The following ARHGEF3 variants were observed in gnomAD, a reference collection of about 807,000 sequenced individuals.
ARHGEF3 encodes the protein 59.8 kDA protein.
A neutral mutation model predicts 63.2 loss-of-function variants in ARHGEF3; 28 were observed. The ratio of observed to expected loss-of-function variants is 0.44; its 90% CI spans 0.33 to 0.61. The LOEUF is 0.61. Ranked by LOEUF, ARHGEF3 falls within the 20% of genes least tolerant of loss-of-function variation. The pLI, the probability that ARHGEF3 is intolerant of heterozygous loss-of-function variation, is 0.03. For missense variants in ARHGEF3, 533 were observed against 659.3 expected, an observed-to-expected ratio of 0.81 and a Z score of 2.10; for synonymous variants, 266 against 254.2, an observed-to-expected ratio of 1.05 and a Z score of -0.44.
intron 3 of ARHGEF3, among the ~76,000 whole-genome samples, chr3:56,895,753 G>T (rs970545661): frequency 1.3e-5 from 2 of 152,032 alleles, no homozygotes; most frequent in African/African-American, 4.8e-5. Context: ...ATGAGCCACC[G>T]CACCCGGCCA....
At position 56,801,849 on chromosome 3, in the gene ARHGEF3, T is replaced by C. The variant is rs72882975; in HGVS notation, c.-51A>G. The stretch of plus-strand genomic sequence containing the variant: ...GATGTCACCGCTGACCCTAGGCGAC[T>C]ACAAAACTCCCAGGCAAAAGGGGGC... On this transcript the variant is annotated 5_prime_UTR_variant, in exon 1 of 10. Coordinates refer to ENST00000296315, the MANE Select transcript of ARHGEF3 (RefSeq NM_019555.3). 2.6e-6 allele frequency: 4 copies of C among 1,551,538 alleles called. No individual in the cohort carries two copies. The highest frequency in any genetic ancestry group is 1.4e-5 in the African/African-American group (1 of 73,168).
intron 8 of ARHGEF3, 112 bp from the exon 9 acceptor site, chr3:56,732,536 G>C: frequency 8.0e-7 from 1 of 1,242,610 alleles, no homozygotes; most frequent in Non-Finnish European, 1.1e-6. Flanking sequence ...ACTGGATTAT[G>C]AACTCCTAGG....
intron 1 of ARHGEF3, among the ~76,000 whole-genome samples, chr3:57,048,947 G>A (rs1704567803): frequency 6.6e-6 from 1 of 152,174 alleles, no homozygotes; most frequent in Admixed American, 6.5e-5. Flanking sequence ...AGGACACACA[G>A]CGTTAAGAGC....
chr3:56,853,613 G>A (rs887155320), intron 4 of ARHGEF3, among the ~76,000 whole-genome samples: 9 of 152,204 alleles, frequency 5.9e-5, no homozygotes, highest in African/African-American at 2.2e-4. Context: ...GGGATTACAA[G>A]TGTGAGTCAC....
intron 4 of ARHGEF3, among the ~76,000 whole-genome samples, chr3:56,875,531 A>G (rs2040557999): frequency 6.6e-6 from 1 of 152,218 alleles, no homozygotes. Context: ...ACTATACCAT[A>G]TACTATAACA....
At chr3:56,793,816 C>T (rs1049023359) in intron 1 of ARHGEF3, among the ~76,000 whole-genome samples, 2 of 152,128 alleles carry the variant, frequency 1.3e-5, no homozygotes, top group Non-Finnish European at 2.9e-5. Flanking sequence ...ATTTATATGA[C>T]AAAGATGTTA....
At chr3:56,792,419 C>T (rs2037135318) in intron 1 of ARHGEF3, among the ~76,000 whole-genome samples, 1 of 152,290 alleles carries the variant, frequency 6.6e-6, no homozygotes, top group Middle Eastern at 3.4e-3. Context: ...AGGCCATGGT[C>T]ATGGAGCTAT....
intron 2 of ARHGEF3, among the ~76,000 whole-genome samples, chr3:57,014,038 A>C (rs1702837266): frequency 6.6e-6 from 1 of 152,068 alleles, no homozygotes; most frequent in African/African-American, 2.4e-5. Context: ...TGTAACACTC[A>C]CCGCGAAGGT....
chr3:56,880,146 C>T (rs2040718652), intron 4 of ARHGEF3, among the ~76,000 whole-genome samples: 2 of 152,140 alleles, frequency 1.3e-5, no homozygotes, highest in Admixed American at 1.3e-4. Context: ...AAACTCAGCC[C>T]TGTTTGCCAA....
At chr3:57,068,201 G>T (rs533191426) in intron 1 of ARHGEF3, among the ~76,000 whole-genome samples, 1 of 151,200 alleles carries the variant, frequency 6.6e-6, no homozygotes, top group South Asian at 2.1e-4. Flanking sequence ...CAGGTTACCA[G>T]GTTGCAGTCT....
At position 57,002,478 on chromosome 3, in the gene ARHGEF3, G is replaced by GTT. The variant is rs1702248526; in HGVS notation, c.62+32608_62+32609dup. Among the ~76,000 whole-genome samples, 5 of 13,672 alleles carry GTT rather than the reference G, an allele frequency of 3.7e-4. 2 individuals are homozygous for GTT. The highest frequency in any genetic ancestry group is 2.3e-3 in the Admixed American group (2 of 860). The allele number at this position is 13,672 out of a possible 152,430, so 9.0% of individuals were successfully genotyped here. On this transcript the variant is annotated intron_variant, in intron 2 of 12. Coordinates refer to the ARHGEF3 transcript ENST00000338458. ...TTCTAAGCACTATATATATATATAT[G>GTT]TTATATATATATATATATGTTATAT...
At chr3:56,809,835 C>T (rs1287717026) in intron 4 of ARHGEF3, among the ~76,000 whole-genome samples, 1 of 151,772 alleles carries the variant, frequency 6.6e-6, no homozygotes, top group East Asian at 1.9e-4. Context: ...CAGGTTCAAG[C>T]GATTCTCCTG....
intron 3 of ARHGEF3, among the ~76,000 whole-genome samples, chr3:56,753,811 T>C (rs1194690004): frequency 6.6e-6 from 1 of 152,222 alleles, no homozygotes; most frequent in Non-Finnish European, 1.5e-5. Flanking sequence ...AAAAGTCATC[T>C]TTCATGTTAC....
rs140642598 is a variant in ARHGEF3, at chr3:56,988,867, C to T, written c.63-29978G>A. Among the ~76,000 whole-genome samples the T allele has an allele frequency of 5.3e-5, 8 of 152,278 alleles. No individual in the cohort carries two copies. In the East Asian group the frequency reaches 1.5e-3, roughly 29 times the overall value. On this transcript the variant is annotated intron_variant, in intron 2 of 12. Transcript: ENST00000338458. The stretch of plus-strand genomic sequence containing the variant: ...CTCAGAACCTTGGAGAATGCATCTC[C>T]CTCATGACTTTTCTAGACTTTGATG...
intron 4 of ARHGEF3, among the ~76,000 whole-genome samples, chr3:56,880,003 C>A (rs532893040): frequency 6.6e-6 from 1 of 152,334 alleles, no homozygotes; most frequent in Non-Finnish European, 1.5e-5. Context: ...ATCTGTCACA[C>A]CCTCTGTCAT....
At chr3:57,070,401 G>A (rs551220769) in intron 1 of ARHGEF3, among the ~76,000 whole-genome samples, 54 of 152,274 alleles carry the variant, frequency 3.5e-4, no homozygotes, top group African/African-American at 1.1e-3. Context: ...CATTTACATC[G>A]CTGGAGTTTT....
At chr3:57,036,704 T>C (rs568891879) in intron 1 of ARHGEF3, among the ~76,000 whole-genome samples, 13 of 152,266 alleles carry the variant, frequency 8.5e-5, no homozygotes, top group African/African-American at 2.6e-4. Context: ...TACTGAGGGA[T>C]AGTGTATTGG....
intron 1 of ARHGEF3, among the ~76,000 whole-genome samples, chr3:57,043,699 C>A (rs7646969): frequency 0.75 from 113,579 of 151,912 alleles, 43,074 homozygotes; most frequent in East Asian, 0.94. Flanking sequence ...AAGAACACAG[C>A]ATAAGTAATT....
chr3:56,941,462 C>T (rs893641201), intron 3 of ARHGEF3, among the ~76,000 whole-genome samples: 4 of 152,212 alleles, frequency 2.6e-5, no homozygotes, highest in Admixed American at 2.6e-4. Flanking sequence ...CCTGCCTTGG[C>T]CTCCCAAAGT....
Sources: gnomAD v4.1 joint callset for allele counts (sites outside exome capture counted in the v4.1 genomes callset) on GRCh38, gnomAD v4.1.1 for gene constraint, MANE v1.5 for transcripts, NCBI Gene and HGNC (gene_info 2026-07-23, HGNC 2026-07-21) for gene names.